Variants in DRC11 observed in about 807,000 individuals in gnomAD.
DRC11 encodes IQ and AAA domain-containing protein 1.
At chr2:236,419,254 T>C in the DRC11 span, 2 of 1,538,472 alleles carry the variant, frequency 1.3e-6, no homozygotes, top group African/African-American at 2.8e-5. This position sits in a 1 kb window ranked among gnomAD's most constrained non-coding sequence, Gnocchi z 4.8. Context: ...CTTGGTTTGC[T>C]ATGATATCCT....
At chr2:236,364,295 C>CTTTTTTT in the DRC11 span, among the ~76,000 whole-genome samples, 2 of 128,618 alleles carry the variant, frequency 1.6e-5, no homozygotes, top group African/African-American at 2.9e-5. Flanking sequence ...TTACCTCTGG[C>CTTTTTTT]TTTTTTTTTT....
At chr2:236,338,407 T>G in the DRC11 span, 1 of 1,579,144 alleles carries the variant, frequency 6.3e-7, no homozygotes, top group Admixed American at 1.9e-5. Context: ...AAAAAATTGG[T>G]CCACATATAG....
chr2:236,417,036 A>C, the DRC11 span, among the ~76,000 whole-genome samples: 9 of 151,210 alleles, frequency 6.0e-5, no homozygotes, highest in Non-Finnish European at 1.2e-4. Context: ...CTGGGATTGC[A>C]GGTATGTATT....
At chr2:236,495,215 C>T in the DRC11 span, among the ~76,000 whole-genome samples, 1 of 152,170 alleles carries the variant, frequency 6.6e-6, no homozygotes, top group African/African-American at 2.4e-5. The surrounding 1 kb of genome is among the most constrained non-coding windows in gnomAD (Gnocchi z 5.6). Flanking sequence ...TGGTGGCATG[C>T]ACCTGTAATC....
the DRC11 span, among the ~76,000 whole-genome samples, chr2:236,424,042 G>A: frequency 1.6e-5 from 2 of 128,622 alleles, no homozygotes; most frequent in African/African-American, 2.9e-5. Flanking sequence ...CACACTCTGG[G>A]GCCTGTTGTG....
At chr2:236,338,265 A>G in the DRC11 span, 1 of 1,614,040 alleles carries the variant, frequency 6.2e-7, no homozygotes, top group Non-Finnish European at 8.5e-7. Context: ...ACTTTGCAGA[A>G]AGATTGGAGT....
chr2:236,312,824 G>A, the DRC11 span, among the ~76,000 whole-genome samples: 1 of 151,914 alleles, frequency 6.6e-6, no homozygotes, highest in Non-Finnish European at 1.5e-5. Flanking sequence ...GGAAAAAAGA[G>A]AAAAGGCACA....
At chr2:236,418,631 T>C in the DRC11 span, among the ~76,000 whole-genome samples, 2 of 152,152 alleles carry the variant, frequency 1.3e-5, no homozygotes, top group African/African-American at 2.4e-5. Flanking sequence ...CCAACCCCCC[T>C]ACACGACGGA....
At chr2:236,395,813 T>C in the DRC11 span, among the ~76,000 whole-genome samples, 1 of 152,190 alleles carries the variant, frequency 6.6e-6, no homozygotes, top group Non-Finnish European at 1.5e-5. Flanking sequence ...ACCTGTTACA[T>C]CAGGGCATTT....
At chr2:236,354,319 G>GTGTGTGAGTGTATTAGTGTGCA in the DRC11 span, among the ~76,000 whole-genome samples, 3 of 151,278 alleles carry the variant, frequency 2.0e-5, no homozygotes, top group Non-Finnish European at 4.4e-5. Context: ...GTGTGTGCAT[G>GTGTGTGAGTGTATTAGTGTGCA]TGTGTGAGTG....
chr2:236,484,069 A>C, the DRC11 span, among the ~76,000 whole-genome samples: 2 of 152,296 alleles, frequency 1.3e-5, no homozygotes, highest in Non-Finnish European at 2.9e-5. Flanking sequence ...ACCTAAAAAG[A>C]AGATTAAAAA....
the DRC11 span, among the ~76,000 whole-genome samples, chr2:236,423,816 G>A: frequency 1.3e-5 from 2 of 151,972 alleles, no homozygotes; most frequent in Non-Finnish European, 1.5e-5. Context: ...GTCCAACAAC[G>A]ATAGACTGTA....
chr2:236,355,725 C>T, the DRC11 span, among the ~76,000 whole-genome samples: 1 of 129,176 alleles, frequency 7.7e-6, no homozygotes, highest in South Asian at 2.6e-4. Context: ...TTGTACATCT[C>T]TCTCTCTCTC....
the DRC11 span, among the ~76,000 whole-genome samples, chr2:236,350,040 G>C: frequency 6.6e-6 from 1 of 152,184 alleles, no homozygotes. This position sits in a 1 kb window ranked among gnomAD's most constrained non-coding sequence, Gnocchi z 5.2. Context: ...TTGCAGATGT[G>C]AATACCAAGT....
chr2:236,470,494 C>T, the DRC11 span, among the ~76,000 whole-genome samples: 4 of 152,114 alleles, frequency 2.6e-5, no homozygotes, highest in South Asian at 2.1e-4. This position sits in a 1 kb window ranked among gnomAD's most constrained non-coding sequence, Gnocchi z 5.1. Context: ...TCATTGGGCT[C>T]GCCACATGCC....
At chr2:236,345,160 G>A in the DRC11 span, among the ~76,000 whole-genome samples, 1 of 151,964 alleles carries the variant, frequency 6.6e-6, no homozygotes, top group African/African-American at 2.4e-5. Flanking sequence ...TTCCCTCTGG[G>A]GTGTGCAGAG....
chr2:236,434,795 C>T, the DRC11 span, among the ~76,000 whole-genome samples: 2,885 of 152,246 alleles, frequency 0.019, 89 homozygotes, highest in African/African-American at 0.065. This position sits in a 1 kb window ranked among gnomAD's most constrained non-coding sequence, Gnocchi z 5.5. Flanking sequence ...CCTATAATCG[C>T]TACCTTTCTA....
the DRC11 span, chr2:236,497,188 A>G: frequency 6.2e-7 from 1 of 1,611,790 alleles, no homozygotes; most frequent in Non-Finnish European, 8.5e-7. This position sits in a 1 kb window ranked among gnomAD's most constrained non-coding sequence, Gnocchi z 5.1. Context: ...ATCCTGCAGG[A>G]TATCATCGAA....
the DRC11 span, among the ~76,000 whole-genome samples, chr2:236,357,055 T>C: frequency 6.6e-5 from 5 of 75,714 alleles, 2 homozygotes; most frequent in African/African-American, 2.5e-4. Flanking sequence ...ATTATATATC[T>C]ATTTATATAT....
Sources: allele counts gnomAD v4.1 joint callset (sites outside exome capture counted in the v4.1 genomes callset), GRCh38; gene constraint gnomAD v4.1.1; non-coding constraint Gnocchi (gnomAD v3.1); transcripts MANE v1.5; gene names NCBI Gene and HGNC (gene_info 2026-07-23, HGNC 2026-07-21).